The following TYW1 variants were observed in gnomAD, a reference collection of about 807,000 sequenced individuals.
TYW1 encodes the protein tRNA-yW synthesizing protein 1 homolog.
TYW1 carries 46 observed loss-of-function variants against 96.2 expected under a neutral mutation model. The ratio of observed to expected loss-of-function variants is 0.48; its 90% CI spans 0.38 to 0.61. The LOEUF is 0.61. TYW1 is among the 20% of genes least tolerant of loss of function. TYW1 has a pLI of 0.00. For missense variants in TYW1, 684 were observed against 909.6 expected (o/e 0.75, Z 3.19); for synonymous variants, 274 against 323.0 (o/e 0.85, Z 1.63).
chr7:67,142,523 G>A (rs1311157880), intron 13 of TYW1, among the ~76,000 whole-genome samples: 1 of 152,032 alleles, frequency 6.6e-6, no homozygotes, highest in African/African-American at 2.4e-5. Flanking sequence ...CTGCCTCCCG[G>A]GTTCAAGAAA....
At chr7:67,204,247 A>AT (rs370675994) in intron 15 of TYW1, among the ~76,000 whole-genome samples, 265 of 151,146 alleles carry the variant, frequency 1.8e-3, no homozygotes, top group African/African-American at 5.4e-3. Context: ...CAAATGTTAG[A>AT]TTTTTTTTTG....
At chr7:67,205,393 G>A (rs868232932) in intron 15 of TYW1, among the ~76,000 whole-genome samples, 3 of 151,952 alleles carry the variant, frequency 2.0e-5, no homozygotes, top group Middle Eastern at 3.4e-3. Context: ...AGGCGGGGGG[G>A]GGGCCTTATT....
chr7:67,072,743 A>G (rs1796067853), intron 10 of TYW1, among the ~76,000 whole-genome samples: 1 of 152,036 alleles, frequency 6.6e-6, no homozygotes, highest in Admixed American at 6.6e-5. Flanking sequence ...TGTAAAATGT[A>G]AATAATAAGG....
chr7:67,096,930 G>A (rs999704832), intron 11 of TYW1, among the ~76,000 whole-genome samples: 1 of 152,146 alleles, frequency 6.6e-6, no homozygotes, highest in Non-Finnish European at 1.5e-5. Flanking sequence ...AAACCAAGCT[G>A]CATGCTGGAA....
intron 13 of TYW1, among the ~76,000 whole-genome samples, chr7:67,117,995 G>A (rs11760591): frequency 0.1 from 15,695 of 152,106 alleles, 871 homozygotes; most frequent in Middle Eastern, 0.15. Flanking sequence ...ACTCCCCATG[G>A]GTACCAAAAT....
At chr7:67,212,883 T>G (rs976556487) in intron 15 of TYW1, among the ~76,000 whole-genome samples, 3 of 152,110 alleles carry the variant, frequency 2.0e-5, no homozygotes, top group African/African-American at 7.2e-5. Context: ...TATTTATTTT[T>G]TTATGTTTTG....
At chr7:67,066,819 G>A (rs552893182) in intron 9 of TYW1, among the ~76,000 whole-genome samples, 1 of 152,210 alleles carries the variant, frequency 6.6e-6, no homozygotes, top group African/African-American at 2.4e-5. Flanking sequence ...CTGCACTCCA[G>A]CCTAAGGAAC....
intron 6 of TYW1, among the ~76,000 whole-genome samples, chr7:67,018,607 G>C (rs1165232590): frequency 6.6e-6 from 1 of 150,634 alleles, no homozygotes; most frequent in East Asian, 2.0e-4. Flanking sequence ...TGGTGTTTCA[G>C]AGAGAGAGAG....
chr7:67,013,901 G>A (rs1371454805), intron 4 of TYW1, among the ~76,000 whole-genome samples: 6 of 151,590 alleles, frequency 4.0e-5, no homozygotes, highest in Admixed American at 6.6e-5. Flanking sequence ...CCGCCACCAC[G>A]CCCGGCTAAT....
At chr7:67,059,463 AT>A (rs1345583258) in intron 9 of TYW1, among the ~76,000 whole-genome samples, 1 of 151,608 alleles carries the variant, frequency 6.6e-6, no homozygotes, top group African/African-American at 2.4e-5. Context: ...TGAAATAATT[AT>A]CATTGGCTGC....
At chr7:67,199,978 A>G (rs567949016) in intron 15 of TYW1, among the ~76,000 whole-genome samples, 1 of 152,262 alleles carries the variant, frequency 6.6e-6, no homozygotes, top group South Asian at 2.1e-4. Flanking sequence ...GAAAAAGAAG[A>G]AAGAAAGAAC....
chr7:67,112,032 G>C (rs1452581587), intron 12 of TYW1, among the ~76,000 whole-genome samples: 1 of 149,052 alleles, frequency 6.7e-6, no homozygotes, highest in Non-Finnish European at 1.5e-5. Flanking sequence ...CTGGGAGGCA[G>C]AGGTTGCAGT....
At chr7:67,199,385 A>G (rs936907320) in intron 15 of TYW1, among the ~76,000 whole-genome samples, 5 of 152,160 alleles carry the variant, frequency 3.3e-5, no homozygotes, top group Admixed American at 2.6e-4. Flanking sequence ...TGTTCAGCCA[A>G]CTACTTTGAC....
intron 7 of TYW1, among the ~76,000 whole-genome samples, chr7:67,030,028 G>C (rs544736746): frequency 7.2e-5 from 11 of 152,190 alleles, no homozygotes; most frequent in Non-Finnish European, 1.3e-4. Context: ...AAGAGACACA[G>C]AGCTTCTGTG....
intron 13 of TYW1, among the ~76,000 whole-genome samples, chr7:67,135,102 CAG>C (rs1798202374): frequency 6.6e-6 from 1 of 151,830 alleles, no homozygotes; most frequent in South Asian, 2.1e-4. Context: ...GCCTAGGTGA[CAG>C]AGTGACACCC....
chr7:67,025,542 G>C (rs1210566079), intron 7 of TYW1, among the ~76,000 whole-genome samples: 2 of 152,082 alleles, frequency 1.3e-5, no homozygotes, highest in African/African-American at 4.8e-5. Context: ...GATTCCAAGT[G>C]AAACTCCAGT....
At chr7:67,194,190 A>C (rs971235836) in intron 14 of TYW1, among the ~76,000 whole-genome samples, 2 of 152,166 alleles carry the variant, frequency 1.3e-5, no homozygotes, top group Non-Finnish European at 2.9e-5. Context: ...AGTTGTACTT[A>C]AGAATTTCTG....
At position 67,083,436 on chromosome 7, in the gene TYW1, C is replaced by T; in HGVS notation, c.1281C>T (p.His427=). The T allele has an allele frequency of 6.2e-7, 1 of 1,614,170 alleles. No homozygotes were observed. ...ANKCVFCWRH[H]TNPVGTEWRW... ...CTTTGCATCTTGTTCCTAGGCACCA[C>T]ACCAACCCCGTGGGCACTGAGTGGC... is the stretch of plus-strand genomic sequence containing the variant. Residue 427 remains histidine, a synonymous_variant, in exon 11 of 16, where the codon CAC becomes CAT. Transcript: ENST00000359626.
At chr7:67,132,672 C>G (rs1440006950) in intron 13 of TYW1, among the ~76,000 whole-genome samples, 1 of 81,256 alleles carries the variant, frequency 1.2e-5, no homozygotes, top group South Asian at 4.1e-4. Flanking sequence ...TCTCCCCATT[C>G]TTTCCCCCAA....
Sources: gnomAD v4.1 joint callset for allele counts (sites outside exome capture counted in the v4.1 genomes callset) on GRCh38, gnomAD v4.1.1 for gene constraint, MANE v1.5 for transcripts, NCBI Gene and HGNC (gene_info 2026-07-23, HGNC 2026-07-21) for gene names.